The following PDPK1 variants were observed in gnomAD, a reference collection of about 807,000 sequenced individuals.
The protein encoded by PDPK1 is 3-phosphoinositide dependent protein kinase 1, also known as 3-phosphoinositide-dependent protein kinase 1.
In PDPK1, 7 loss-of-function variants were observed where a neutral mutation model predicts 39.8. The observed-to-expected ratio is 0.18, with a 90% CI of 0.10 to 0.33. The LOEUF (loss-of-function observed/expected upper bound fraction) is 0.33, where lower values mean the gene tolerates loss of function less well. PDPK1 is among the 10% of genes least tolerant of loss of function. PDPK1 has a pLI of 1.00. For missense variants in PDPK1, 182 were observed against 384.7 expected (o/e 0.47, Z 4.41); for synonymous variants, 118 against 159.1 (o/e 0.74, Z 1.95).
At chr16:2,540,556 A>G (rs968799883) in intron 1 of PDPK1, among the ~76,000 whole-genome samples, 4 of 152,148 alleles carry the variant, frequency 2.6e-5, no homozygotes, top group Non-Finnish European at 5.9e-5. Context: ...GGAAATCTTC[A>G]GTGCCACTGC....
At position 2,593,023 on chromosome 16, in the gene PDPK1, CTTT is replaced by C. The variant is rs775120713; in HGVS notation, c.1344-2763_1344-2761del. On this transcript the variant is annotated intron_variant, in intron 11 of 13. Coordinates refer to ENST00000342085, the MANE Select transcript of PDPK1 (RefSeq NM_002613.5). The surrounding 1 kb of genome is among the most constrained non-coding windows in gnomAD (Gnocchi z 4.2). ...TGCCTCTGGGCTCCTTGCCTGTGGC[CTTT>C]TTTTTTCTCAGGATGGATTTCTGGA... The C allele has an allele frequency of 2.2e-6, 1 of 455,264 alleles. No individual in the cohort carries two copies. Among genetic ancestry groups the C allele is most frequent in the African/African-American group, 2.0e-5 (1 of 49,724 alleles). 28.2% of individuals were successfully genotyped at this position (455,264 alleles called of 1,614,324 possible).
chr16:2,544,753 T>G (rs907459485), intron 1 of PDPK1, among the ~76,000 whole-genome samples: 4 of 151,706 alleles, frequency 2.6e-5, no homozygotes, highest in African/African-American at 7.3e-5. Flanking sequence ...CCGGCTAATT[T>G]TTTTGTATTT....
At chr16:2,542,829 C>A (rs2066268498) in intron 1 of PDPK1, among the ~76,000 whole-genome samples, 2 of 152,076 alleles carry the variant, frequency 1.3e-5, no homozygotes, top group African/African-American at 4.8e-5. Context: ...AGGTCCCCGT[C>A]TCCTGCGTGT....
chr16:2,540,708 T>G (rs1186767622), intron 1 of PDPK1, among the ~76,000 whole-genome samples: 1 of 152,192 alleles, frequency 6.6e-6, no homozygotes, highest in African/African-American at 2.4e-5. Flanking sequence ...TGTTTCAGCC[T>G]CCTGCTGTCA....
At chr16:2,586,606 G>C in intron 10 of PDPK1, 70 bp from the exon 11 acceptor site, 2 of 1,368,934 alleles carry the variant, frequency 1.5e-6, no homozygotes, top group East Asian at 2.3e-5. Context: ...GGCAGTGCGG[G>C]AGGGGCTGGG....
chr16:2,547,197 G>GCTGA (rs1232828332), intron 1 of PDPK1, among the ~76,000 whole-genome samples: 11 of 149,934 alleles, frequency 7.3e-5, no homozygotes, highest in African/African-American at 2.8e-4. Context: ...AGCTAGGAAG[G>GCTGA]CTGACGGCTG....
At position 2,599,105 on chromosome 16, in the gene PDPK1, A is replaced by G. The variant is rs2067161564; in HGVS notation, c.*1338A>G. 1 of 233,312 alleles carries G rather than the reference A, an allele frequency of 4.3e-6. No homozygotes were observed. Among genetic ancestry groups the G allele is most frequent in the Non-Finnish European group, 8.5e-6 (1 of 118,160 alleles). 14.5% of individuals were successfully genotyped at this position (233,312 alleles called of 1,614,324 possible). A position where few individuals can be genotyped will look rare whatever the true frequency, so the allele number is the denominator to read the frequency against. ...CCCCGCTCTGCAGCACAGACAGGCC[A>G]GATGCATTTGTCCTTTGCCTAGCTA... On this transcript the variant is annotated 3_prime_UTR_variant, in exon 14 of 14. Transcript: ENST00000342085.
rs2067218588 is a variant in PDPK1 at position 2,601,671 on chromosome 16, A to G, written c.*3904A>G. The G allele has an allele frequency of 4.5e-6, 1 of 223,030 alleles. No homozygotes were observed. Among genetic ancestry groups the G allele is most frequent in the Non-Finnish European group, 8.8e-6 (1 of 114,078 alleles). 13.8% of individuals were successfully genotyped at this position (223,030 alleles called of 1,614,324 possible). ...AAAACCACGTAGCTGATTGGGTTTT[A>G]CAAGAGTGCATTTGTCTCCCCCTTC... On this transcript the variant is annotated 3_prime_UTR_variant, in exon 14 of 14. Coordinates refer to ENST00000342085, the MANE Select transcript of PDPK1 (RefSeq NM_002613.5).
Position 2,602,936 on chromosome 16 carries a change from G to A in PDPK1, c.*5169G>A. On this transcript the variant is annotated 3_prime_UTR_variant, in exon 14 of 14. Transcript: ENST00000342085. ...TATGAATTATTTGAATTGAATTCAT[G>A]TTCGGGGCCACGTTGTTGTATGTAT... 4.3e-6 allele frequency: 1 copy of A among 232,368 alleles called. No individual in the cohort carries two copies. The highest frequency in any genetic ancestry group is 8.5e-6 in the Non-Finnish European group (1 of 117,310). The allele number at this position is 232,368 out of a possible 1,614,324, so 14.4% of individuals were successfully genotyped here. A position where few individuals can be genotyped will look rare whatever the true frequency, so the allele number is the denominator to read the frequency against.
At position 2,593,303 on chromosome 16, in the gene PDPK1, G is replaced by T. The variant is rs992755575; in HGVS notation, c.1344-2490G>T. On this transcript the variant is annotated intron_variant, in intron 11 of 13. Coordinates refer to ENST00000342085, the MANE Select transcript of PDPK1 (RefSeq NM_002613.5). The surrounding 1 kb of genome is among the most constrained non-coding windows in gnomAD (Gnocchi z 4.2). ...TTTTCTGTTGGGTTCCAAGCCTCTC[G>T]TGGCACTGTGAATTTGCTGTGGGGT... is the stretch of plus-strand genomic sequence containing the variant. The T allele has an allele frequency of 5.7e-6, 2 of 352,130 alleles. No individual in the cohort carries two copies. The highest frequency in any genetic ancestry group is 8.0e-5 in the Admixed American group (2 of 25,124). The allele number at this position is 352,130 out of a possible 1,614,324, so 21.8% of individuals were successfully genotyped here.
rs1330801525 is a variant in PDPK1, at chr16:2,601,592, CAG to C, written c.*3827_*3828del. On this transcript the variant is annotated 3_prime_UTR_variant, in exon 14 of 14. Transcript: ENST00000342085. ...TGATTTGTAATTAAGTTTATAGACTCAGAAGGTATATTAGGACATTTGGAATC... is the reference window on the plus strand; with the variant it reads ...TGATTTGTAATTAAGTTTATAGACTCAAGGTATATTAGGACATTTGGAATC... 2 of 234,170 alleles carry C rather than the reference CAG, an allele frequency of 8.5e-6. No individual in the cohort carries two copies. Among genetic ancestry groups the C allele is most frequent in the Non-Finnish European group, 1.7e-5 (2 of 117,766 alleles). 14.5% of individuals were successfully genotyped at this position (234,170 alleles called of 1,614,324 possible).
chr16:2,542,384 T>C (rs1230224112), intron 1 of PDPK1, among the ~76,000 whole-genome samples: 1 of 152,122 alleles, frequency 6.6e-6, no homozygotes, highest in Non-Finnish European at 1.5e-5. Flanking sequence ...TACTCAAACT[T>C]CTGGTCTCAA....
At chr16:2,541,968 T>G (rs2066253178) in intron 1 of PDPK1, among the ~76,000 whole-genome samples, 1 of 151,786 alleles carries the variant, frequency 6.6e-6, no homozygotes, top group Non-Finnish European at 1.5e-5. Flanking sequence ...TTCATGATGA[T>G]TGTTGGGGTC....
At position 2,543,481 on chromosome 16, in the gene PDPK1, T is replaced by C. The variant is rs1405384672; in HGVS notation, c.24+5345T>C. On this transcript the variant is annotated intron_variant, in intron 1 of 13. Coordinates refer to ENST00000342085, the MANE Select transcript of PDPK1 (RefSeq NM_002613.5). Reference sequence around the variant, plus strand: ...CCCAGATGCCAGCACTCCTGCATCTTCCCCTCCTCTCCTGGCCTGTCACTT... The same window carrying C: ...CCCAGATGCCAGCACTCCTGCATCTCCCCCTCCTCTCCTGGCCTGTCACTT... Among the ~76,000 whole-genome samples the C allele has an allele frequency of 2.8e-3, 351 of 124,672 alleles. 2 individuals are homozygous for C. Among genetic ancestry groups the C allele is most frequent in the Middle Eastern group, 7.2e-3 (2 of 276 alleles). The allele number at this position is 124,672 out of a possible 152,430, so 81.8% of individuals were successfully genotyped here.
In PDPK1 at chr16:2,599,882, C is replaced by T. The variant is rs563577752; in HGVS notation, c.*2115C>T. 7 of 233,634 alleles carry T rather than the reference C, an allele frequency of 3.0e-5. No homozygotes were observed. The South Asian group carries it at 7.2e-4, about 24-fold the overall frequency. The allele number at this position is 233,634 out of a possible 1,614,324, so 14.5% of individuals were successfully genotyped here. ...TGGGGAGACTCTTCCGTGCGTTCTT[C>T]CTCTGGATAGAACCACCACCTCCTG... On this transcript the variant is annotated 3_prime_UTR_variant, in exon 14 of 14. Transcript: ENST00000342085.
Position 2,601,182 on chromosome 16 carries a change from T to C in PDPK1, c.*3415T>C, listed in dbSNP as rs2067207581. ...AGTTTGTTCATTTTGAAGATATTTC[T>C]GTCTCTCTCTCGACCTGATGTGTAG... On this transcript the variant is annotated 3_prime_UTR_variant, in exon 14 of 14. Transcript: ENST00000342085. The C allele has an allele frequency of 4.3e-6, 1 of 233,382 alleles. No individual in the cohort carries two copies. Among genetic ancestry groups the C allele is most frequent in the African/African-American group, 2.2e-5 (1 of 45,326 alleles). 14.5% of individuals were successfully genotyped at this position (233,382 alleles called of 1,614,324 possible). A position where few individuals can be genotyped will look rare whatever the true frequency, so the allele number is the denominator to read the frequency against.
chr16:2,592,949 A>C (rs1377116017), intron 11 of PDPK1: 8 of 456,286 alleles, frequency 1.8e-5, no homozygotes, highest in South Asian at 7.7e-5. Flanking sequence ...TCTGTCACTG[A>C]GCCACTCTGG....
At chr16:2,558,413 T>C (rs2066544440) in intron 2 of PDPK1, among the ~76,000 whole-genome samples, 2 of 150,452 alleles carry the variant, frequency 1.3e-5, no homozygotes, top group South Asian at 4.2e-4. Context: ...TTTTGTTTTT[T>C]TGAATACATA....
rs2067029327 is a variant in PDPK1, at chr16:2,593,262, G to T, written c.1344-2531G>T. Reference sequence around the variant, plus strand: ...TTCCTCTTCTGGGAATTTTTAGTTTGTGTCATTTTGTTGAGTTTTCTGTTG... The same window carrying T: ...TTCCTCTTCTGGGAATTTTTAGTTTTTGTCATTTTGTTGAGTTTTCTGTTG... On this transcript the variant is annotated intron_variant, in intron 11 of 13. Coordinates refer to ENST00000342085, the MANE Select transcript of PDPK1 (RefSeq NM_002613.5). This position sits in a 1 kb window ranked among gnomAD's most constrained non-coding sequence, Gnocchi z 4.2. 6 of 360,510 alleles carry T rather than the reference G, an allele frequency of 1.7e-5. No individual in the cohort carries two copies. The highest frequency in any genetic ancestry group is 1.1e-4 in the African/African-American group (5 of 46,838). 22.3% of individuals were successfully genotyped at this position (360,510 alleles called of 1,614,324 possible).
Sources: allele counts gnomAD v4.1 joint callset (sites outside exome capture counted in the v4.1 genomes callset), GRCh38; gene constraint gnomAD v4.1.1; non-coding constraint Gnocchi (gnomAD v3.1); transcripts MANE v1.5; gene names NCBI Gene and HGNC (gene_info 2026-07-23, HGNC 2026-07-21).